XRCC5: variants seen among roughly 807,000 people sequenced by gnomAD.
XRCC5 encodes the protein X-ray repair cross complementing 5, also known as DNA repair protein Ku80.
In XRCC5, 12 loss-of-function variants were observed where a neutral mutation model predicts 95.7. The ratio of observed to expected loss-of-function variants is 0.13; its 90% CI spans 0.08 to 0.20. The LOEUF (loss-of-function observed/expected upper bound fraction) is 0.20. Among genes scored for constraint, XRCC5 ranks in the 10% least tolerant of loss-of-function variants. XRCC5 has a pLI of 1.00. For missense variants in XRCC5, 595 were observed against 873.9 expected (o/e 0.68, Z 4.02); for synonymous variants, 281 against 290.3 (o/e 0.97, Z 0.33).
chr2:216,181,376 A>G (rs948967563), intron 16 of XRCC5, among the ~76,000 whole-genome samples: 1 of 151,866 alleles, frequency 6.6e-6, no homozygotes, highest in Non-Finnish European at 1.5e-5. Context: ...CTTATTAATT[A>G]CTCCCATTCA....
At chr2:216,156,851 G>T in intron 14 of XRCC5, 1 of 383,250 alleles carries the variant, frequency 2.6e-6, no homozygotes, top group Non-Finnish European at 5.3e-6. Flanking sequence ...TGCCAGCAGT[G>T]GGTGCCGCAA....
At chr2:216,137,860 C>T (rs41296392) in intron 11 of XRCC5, among the ~76,000 whole-genome samples, 1,963 of 152,224 alleles carry the variant, frequency 0.013, 39 homozygotes, top group African/African-American at 0.045. Flanking sequence ...GATAGCAGTC[C>T]TTTAGTATTC....
chr2:216,113,207 A>G, intron 2 of XRCC5, 78 bp downstream of exon 2: 1 of 1,249,002 alleles, frequency 8.0e-7, no homozygotes. Context: ...GCAAGATACC[A>G]GCCTCCTTAT....
At chr2:216,144,194 C>G (rs186885046) in intron 13 of XRCC5, among the ~76,000 whole-genome samples, 1 of 152,248 alleles carries the variant, frequency 6.6e-6, no homozygotes, top group Non-Finnish European at 1.5e-5. Context: ...TCTAAAAGAA[C>G]AAAGGCGGTG....
rs558404327 is a variant in XRCC5, at chr2:216,196,529, C to T, written c.2109+1543C>T. On this transcript the variant is annotated intron_variant, in intron 19 of 20. Coordinates refer to ENST00000392132, the MANE Select transcript of XRCC5 (RefSeq NM_021141.4). Reference sequence around the variant, plus strand: ...GCGTGTGTCTGTGTGTGTGTATGCACATACACACACACATATATATAGAGA... The same window carrying T: ...GCGTGTGTCTGTGTGTGTGTATGCATATACACACACACATATATATAGAGA... Among the ~76,000 whole-genome samples the T allele has an allele frequency of 7.2e-5, 11 of 152,022 alleles. No individual in the cohort carries two copies. In the South Asian group the frequency reaches 1.5e-3, roughly 20 times the overall value.
chr2:216,135,101 T>C (rs922939185), intron 10 of XRCC5, among the ~76,000 whole-genome samples: 21 of 151,570 alleles, frequency 1.4e-4, no homozygotes, highest in African/African-American at 4.6e-4. Context: ...GTTTTTTTGT[T>C]TGTTTGTTTG....
intron 16 of XRCC5, among the ~76,000 whole-genome samples, chr2:216,180,691 G>GC (rs1000636776): frequency 7.9e-5 from 12 of 152,122 alleles, no homozygotes; most frequent in African/African-American, 2.7e-4. Context: ...ATAGGAGAGG[G>GC]CCCAAAGAAG....
chr2:216,115,663 C>T (rs943424170), intron 2 of XRCC5, among the ~76,000 whole-genome samples: 1 of 130,510 alleles, frequency 7.7e-6, no homozygotes, highest in East Asian at 1.9e-4. Context: ...AATAATTAGA[C>T]AGGACTGTCT....
At chr2:216,116,414 C>G (rs988840184) in intron 2 of XRCC5, among the ~76,000 whole-genome samples, 3 of 152,134 alleles carry the variant, frequency 2.0e-5, no homozygotes, top group Non-Finnish European at 4.4e-5. Context: ...ACTTACTACC[C>G]TCCTATTTCC....
chr2:216,192,915 C>G (rs1689644981), intron 18 of XRCC5, among the ~76,000 whole-genome samples, 180 bp downstream of exon 18: 1 of 152,046 alleles, frequency 6.6e-6, no homozygotes, highest in Admixed American at 6.5e-5. Context: ...TCAAACTCTC[C>G]CTTAATAAGC....
intron 19 of XRCC5, among the ~76,000 whole-genome samples, chr2:216,202,700 T>C (rs1010742431): frequency 5.9e-5 from 9 of 152,024 alleles, no homozygotes; most frequent in Non-Finnish European, 1.2e-4. Context: ...GAAGATAAAT[T>C]CCTTATTCGC....
chr2:216,132,657 A>G (rs1019458288), intron 10 of XRCC5, among the ~76,000 whole-genome samples: 87 of 152,328 alleles, frequency 5.7e-4, no homozygotes, highest in African/African-American at 2.0e-3. Context: ...TCAAATGTTA[A>G]GGAGGGTTGG....
intron 7 of XRCC5, among the ~76,000 whole-genome samples, chr2:216,126,907 CTTTT>C (rs532007858): frequency 6.9e-6 from 1 of 144,866 alleles, no homozygotes; most frequent in African/African-American, 2.5e-5. Flanking sequence ...TATATTGCTT[CTTTT>C]TTTTTTTTCT....
chr2:216,181,989 T>C (rs554590686), intron 16 of XRCC5, among the ~76,000 whole-genome samples: 1 of 152,298 alleles, frequency 6.6e-6, no homozygotes, highest in East Asian at 1.9e-4. Context: ...ACCAAGGCAT[T>C]ATTTATCAGT....
intron 16 of XRCC5, among the ~76,000 whole-genome samples, chr2:216,180,262 C>A (rs1172090619): frequency 6.6e-6 from 1 of 152,164 alleles, no homozygotes; most frequent in Non-Finnish European, 1.5e-5. Context: ...ACAGACAGTT[C>A]AGCAAAGGCA....
chr2:216,190,429 G>A, intron 17 of XRCC5, 95 bp downstream of exon 17: 1 of 1,059,322 alleles, frequency 9.4e-7, no homozygotes, highest in Non-Finnish European at 1.4e-6. Flanking sequence ...TCTGGGCCGT[G>A]GAAATTATCA....
At chr2:216,115,144 C>A (rs1446816257) in intron 2 of XRCC5, among the ~76,000 whole-genome samples, 2 of 149,464 alleles carry the variant, frequency 1.3e-5, no homozygotes, top group Admixed American at 6.6e-5. Flanking sequence ...TTTCCTCCTG[C>A]TTTAAACCTT....
At chr2:216,116,940 T>C in intron 3 of XRCC5, 98 bp downstream of exon 3, 1 of 1,331,970 alleles carries the variant, frequency 7.5e-7, no homozygotes, top group Non-Finnish European at 1.0e-6. Context: ...CAGCTATGAG[T>C]ATATGGGTAT....
At position 216,169,942 on chromosome 2, in the gene XRCC5, G is replaced by C. The variant is rs192657054; in HGVS notation, c.1834+7894G>C. 3.3e-5 allele frequency among the ~76,000 whole-genome samples: 5 copies of C among 149,600 alleles called. No individual in the cohort carries two copies. In the Admixed American group the frequency reaches 3.4e-4, roughly 10 times the overall value. ...TAGTCTCAGCTACTTGGGAGGCTGA[G>C]GCAGGAAAATTGCTTGAACCCGGGA... On this transcript the variant is annotated intron_variant, in intron 16 of 20. Transcript: ENST00000392132.
Sources: gnomAD v4.1 joint callset for allele counts (sites outside exome capture counted in the v4.1 genomes callset) on GRCh38, gnomAD v4.1.1 for gene constraint, MANE v1.5 for transcripts, NCBI Gene and HGNC (gene_info 2026-07-23, HGNC 2026-07-21) for gene names.